CDH18: variants seen among roughly 807,000 people sequenced by gnomAD.
The protein encoded by CDH18 is cadherin 18.
CDH18 carries 31 observed loss-of-function variants against 67.9 expected under a neutral mutation model. The observed-to-expected ratio is 0.46, with a 90% CI of 0.34 to 0.62. The LOEUF is 0.62. Ranked by LOEUF, CDH18 falls within the 20% of genes least tolerant of loss-of-function variation. CDH18 has a pLI of 0.01. For missense variants in CDH18, 890 were observed against 975.5 expected (o/e 0.91, Z 1.17); for synonymous variants, 362 against 347.2 (o/e 1.04, Z -0.48).
At chr5:19,944,077 T>G (rs889461207) in intron 2 of CDH18, among the ~76,000 whole-genome samples, 1 of 152,118 alleles carries the variant, frequency 6.6e-6, no homozygotes, top group African/African-American at 2.4e-5. Flanking sequence ...GAGGTCAGGA[T>G]GAATGTACCT....
intron 2 of CDH18, among the ~76,000 whole-genome samples, chr5:20,033,864 T>A (rs79733387): frequency 0.034 from 5,131 of 152,148 alleles, 250 homozygotes; most frequent in East Asian, 0.25. Context: ...TCAAGCTCTT[T>A]ATGCTGATTA....
chr5:19,840,139 T>C (rs1782120081), intron 2 of CDH18, among the ~76,000 whole-genome samples: 4 of 149,630 alleles, frequency 2.7e-5, no homozygotes, highest in Admixed American at 2.7e-4. Context: ...TTGGTGGCGG[T>C]CACCTGTAGT....
intron 1 of CDH18, among the ~76,000 whole-genome samples, chr5:20,469,657 C>A (rs1751911418): frequency 6.6e-6 from 1 of 152,150 alleles, no homozygotes; most frequent in African/African-American, 2.4e-5. Context: ...TCTCTTATCA[C>A]TAAGCCTGGA....
At chr5:20,035,332 G>GT (rs1561734802) in intron 2 of CDH18, among the ~76,000 whole-genome samples, 1 of 152,008 alleles carries the variant, frequency 6.6e-6, no homozygotes, top group African/African-American at 2.4e-5. Flanking sequence ...CCAGGTACTG[G>GT]ACTGTAAGAA....
intron 5 of CDH18, among the ~76,000 whole-genome samples, chr5:19,659,080 A>G (rs1242139116): frequency 1.3e-5 from 2 of 152,182 alleles, no homozygotes; most frequent in Non-Finnish European, 2.9e-5. Context: ...GTTCTCACTC[A>G]TAGGTGGGAA....
chr5:19,801,946 A>G (rs544361036), intron 3 of CDH18, among the ~76,000 whole-genome samples: 1 of 152,328 alleles, frequency 6.6e-6, no homozygotes, highest in East Asian at 1.9e-4. Flanking sequence ...AATGTTTACT[A>G]AAATTGTAAC....
At chr5:19,539,304 C>T (rs1354399924) in intron 9 of CDH18, among the ~76,000 whole-genome samples, 1 of 152,034 alleles carries the variant, frequency 6.6e-6, no homozygotes, top group Non-Finnish European at 1.5e-5. Flanking sequence ...ACTCAAACCC[C>T]ATATAAAGTA....
intron 3 of CDH18, among the ~76,000 whole-genome samples, chr5:19,781,287 A>ATT (rs1561287356): frequency 1.3e-5 from 2 of 152,154 alleles, no homozygotes; most frequent in East Asian, 3.9e-4. Flanking sequence ...GACATTTTTA[A>ATT]TTTTCTCAAT....
chr5:19,544,976 C>CT (rs959258628), intron 8 of CDH18, among the ~76,000 whole-genome samples: 4 of 151,812 alleles, frequency 2.6e-5, no homozygotes, highest in African/African-American at 4.8e-5. Context: ...TTAGACACAG[C>CT]TTTTTTTTAA....
intron 2 of CDH18, among the ~76,000 whole-genome samples, chr5:19,843,808 A>G (rs1395895937): frequency 6.6e-6 from 1 of 152,236 alleles, no homozygotes; most frequent in Non-Finnish European, 1.5e-5. Context: ...TGTGCCCTGC[A>G]TGTGAGACAT....
chr5:20,482,105 A>G (rs1166817284), intron 1 of CDH18, among the ~76,000 whole-genome samples: 2 of 151,952 alleles, frequency 1.3e-5, no homozygotes, highest in African/African-American at 2.4e-5. Context: ...AAAAGGAGAC[A>G]TTACGATTGA....
intron 3 of CDH18, among the ~76,000 whole-genome samples, chr5:19,817,603 T>C (rs1425623352): frequency 1.3e-5 from 2 of 152,042 alleles, no homozygotes; most frequent in Non-Finnish European, 2.9e-5. Flanking sequence ...AAATAATCAC[T>C]GCAATCATTA....
At chr5:19,759,099 T>C (rs557287698) in intron 3 of CDH18, among the ~76,000 whole-genome samples, 11 of 152,340 alleles carry the variant, frequency 7.2e-5, no homozygotes, top group African/African-American at 2.6e-4. Context: ...AAGTCAATGG[T>C]TGCATATCAG....
intron 1 of CDH18, among the ~76,000 whole-genome samples, chr5:20,488,700 T>TATATATATATATAC (rs369185147): frequency 6.7e-4 from 92 of 137,274 alleles, no homozygotes; most frequent in Admixed American, 1.3e-3. Flanking sequence ...TATATATATA[T>TATATATATATATAC]ACACACACAT....
intron 2 of CDH18, among the ~76,000 whole-genome samples, chr5:19,866,524 C>A (rs936770059): frequency 1.3e-5 from 2 of 152,106 alleles, no homozygotes; most frequent in African/African-American, 4.8e-5. Flanking sequence ...ATGAAGAAAG[C>A]AAGAAGGCGT....
At chr5:20,259,028 T>G (rs1424111035) in intron 1 of CDH18, among the ~76,000 whole-genome samples, 1 of 152,070 alleles carries the variant, frequency 6.6e-6, no homozygotes, top group African/African-American at 2.4e-5. Context: ...ACAAATACAG[T>G]GTTTGGGACT....
At chr5:19,653,244 T>C (rs539578217) in intron 5 of CDH18, among the ~76,000 whole-genome samples, 4 of 152,210 alleles carry the variant, frequency 2.6e-5, no homozygotes, top group East Asian at 1.9e-4. Flanking sequence ...AGGGTAGTCA[T>C]TGCATAGCAA....
intron 11 of CDH18, among the ~76,000 whole-genome samples, chr5:19,492,223 C>T (rs1258688409): frequency 4.6e-5 from 7 of 152,000 alleles, no homozygotes; most frequent in African/African-American, 9.7e-5. Flanking sequence ...AGAATTAAGC[C>T]GGAGAATTAG....
intron 3 of CDH18, among the ~76,000 whole-genome samples, chr5:19,775,927 G>A (rs995679343): frequency 1.3e-5 from 2 of 152,110 alleles, no homozygotes; most frequent in Admixed American, 6.5e-5. Flanking sequence ...ATCTGGATGG[G>A]AGGATGGCAA....
Sources: gnomAD v4.1 joint callset for allele counts (sites outside exome capture counted in the v4.1 genomes callset) on GRCh38, gnomAD v4.1.1 for gene constraint, MANE v1.5 for transcripts, NCBI Gene and HGNC (gene_info 2026-07-23, HGNC 2026-07-21) for gene names.